The following RAB11FIP1 variants were observed in gnomAD, a reference collection of about 807,000 sequenced individuals.
RAB11FIP1 encodes rab11 family-interacting protein 1.
A neutral mutation model predicts 83.1 loss-of-function variants in RAB11FIP1; 49 were observed. The ratio of observed to expected loss-of-function variants is 0.59; its 90% CI spans 0.47 to 0.75. The LOEUF is 0.75. Among genes scored for constraint, RAB11FIP1 ranks in the 30% least tolerant of loss-of-function variants. The pLI is 0.00. For synonymous variants in RAB11FIP1, 670 were observed against 656.0 expected (o/e 1.02, Z -0.33); for missense variants, 1,536 against 1,598.7 (o/e 0.96, Z 0.67).
intron 5 of RAB11FIP1, among the ~76,000 whole-genome samples, chr8:37,866,671 CAAGAA>C (rs1806347091): frequency 1.3e-5 from 1 of 74,964 alleles, no homozygotes; most frequent in Non-Finnish European, 2.5e-5. Flanking sequence ...AAACAACAAC[CAAGAA>C]AAGAAAAAAA....
Position 37,860,240 on chromosome 8 carries a change from C to T in RAB11FIP1, c.*2655G>A, listed in dbSNP as rs901138228. 2.6e-5 allele frequency: 4 copies of T among 152,762 alleles called. No homozygotes were observed. The highest frequency in any genetic ancestry group is 5.9e-5 in the Non-Finnish European group (4 of 68,136). The allele number at this position is 152,762 out of a possible 1,614,324, so 9.5% of individuals were successfully genotyped here. A position where few individuals can be genotyped will look rare whatever the true frequency, so the allele number is the denominator to read the frequency against. On this transcript the variant is annotated 3_prime_UTR_variant, in exon 6 of 6. Coordinates refer to ENST00000330843, the MANE Select transcript of RAB11FIP1 (RefSeq NM_001002814.3). ...CAGCTCTCCAATGGAAGAAGAACCA[C>T]ATAGAGCACACCTGCCCCCCAGGGC...
chr8:37,875,218 A>G lies in RAB11FIP1; in HGVS notation c.919T>C (p.Ser307Pro). 2 of 1,614,034 alleles carry G rather than the reference A, an allele frequency of 1.2e-6. No homozygotes were observed. Among genetic ancestry groups the G allele is most frequent in the Non-Finnish European group, 8.5e-7 (1 of 1,179,992 alleles). The change falls in exon 3 of 6, where the codon TCT becomes CCT. Residue 307 changes from serine to proline, a missense_variant. Transcript: ENST00000330843. Reference protein sequence around the residue: ...EGLSFLGGLRSKNDVLSRSNV... With the variant: ...EGLSFLGGLRPKNDVLSRSNV... ...GAGCGGGAAAGGACATCATTCTTAG[A>G]CCGAAGGCCACCAAGAAAGGAAAGT...
intron 1 of RAB11FIP1, among the ~76,000 whole-genome samples, chr8:37,895,533 A>C (rs1317135470): frequency 1.3e-5 from 2 of 151,440 alleles, no homozygotes; most frequent in African/African-American, 4.9e-5. Flanking sequence ...TTGCAGTCAC[A>C]GTACTTAGCC....
chr8:37,878,429 G>A (rs1806663692), intron 1 of RAB11FIP1, among the ~76,000 whole-genome samples: 1 of 149,890 alleles, frequency 6.7e-6, no homozygotes, highest in African/African-American at 2.5e-5. Flanking sequence ...AGCTACTCAG[G>A]AGACCGTGGC....
chr8:37,875,304 G>T lies in RAB11FIP1; in HGVS notation c.833C>A (p.Thr278Lys), dbSNP rs749936619. The T allele has an allele frequency of 8.7e-6, 14 of 1,611,102 alleles. No homozygotes were observed. Among genetic ancestry groups the T allele is most frequent in the Non-Finnish European group, 1.2e-5 (14 of 1,178,762 alleles). Reference protein sequence around the residue: ...SASDVMSHKRTASTDLKQLNQ... With the variant: ...SASDVMSHKRKASTDLKQLNQ... ...CAGTTGCTTAAGATCCGTACTCGCT[G>T]TTCTCTTGTGAGACATGACTTTGGG... is the stretch of plus-strand genomic sequence containing the variant. The change falls in exon 3 of 6, where the codon ACA becomes AAA. Residue 278 changes from threonine to lysine, a missense_variant. Transcript: ENST00000330843.
chr8:37,889,246 G>T (rs948819894), intron 1 of RAB11FIP1, among the ~76,000 whole-genome samples: 6 of 152,120 alleles, frequency 3.9e-5, no homozygotes, highest in Non-Finnish European at 8.8e-5. Flanking sequence ...ATCAAGATAG[G>T]TTTTCTAAGT....
chr8:37,869,408 A>G (rs1175005457), intron 5 of RAB11FIP1, among the ~76,000 whole-genome samples: 1 of 151,282 alleles, frequency 6.6e-6, no homozygotes, highest in Non-Finnish European at 1.5e-5. Flanking sequence ...CGTGGCCAAC[A>G]TAGCAAAATC....
chr8:37,875,119 G>T lies in RAB11FIP1; in HGVS notation c.1018C>A (p.Pro340Thr), dbSNP rs1806580914. The change falls in exon 3 of 6, where the codon CCG becomes ACG. Residue 340 changes from proline to threonine, a missense_variant. Transcript: ENST00000330843. ...EAKGEIKDSS[P>T]SSSPSPKGFR... ...CCCTTGGGGGATGGGGAGGAGGACG[G>T]GCTGCTATCCTTGATCTCACCCTTG... 1 of 1,613,930 alleles carries T rather than the reference G, an allele frequency of 6.2e-7. No individual in the cohort carries two copies. The highest frequency in any genetic ancestry group is 1.3e-5 in the African/African-American group (1 of 74,884).
rs137974166 is a variant in RAB11FIP1, at chr8:37,871,432, C to T, written c.3370G>A (p.Ala1124Thr). The T allele has an allele frequency of 1.5e-4, 246 of 1,613,812 alleles. No homozygotes were observed. In the African/African-American group the frequency reaches 2.8e-3, roughly 18 times the overall value. ...AHSDTHHTST[A>T]ESQKKATAEG... ...GCTGTGGCTTTTTTTTGAGATTCTGCTGTGCTGGTGTGGTGAGTGTCAGAA... is the reference window on the plus strand; with the variant it reads ...GCTGTGGCTTTTTTTTGAGATTCTGTTGTGCTGGTGTGGTGAGTGTCAGAA... The change falls in exon 4 of 6, where the codon GCA becomes ACA. Residue 1124 changes from alanine (A) to threonine (T), a missense_variant. By Grantham distance (58) the Ala-to-Thr change is moderately conservative. Coordinates refer to ENST00000330843, the MANE Select transcript of RAB11FIP1 (RefSeq NM_001002814.3).
At position 37,860,505 on chromosome 8, in the gene RAB11FIP1, C is replaced by A. The variant is rs960366962; in HGVS notation, c.*2390G>T. On this transcript the variant is annotated 3_prime_UTR_variant, in exon 6 of 6. Transcript: ENST00000330843. Reference sequence around the variant, plus strand: ...TACAGCTGTCTGCCACCACACCCAGCTAATTTCTGTATTTTTTAGTAGAGA... The same window carrying A: ...TACAGCTGTCTGCCACCACACCCAGATAATTTCTGTATTTTTTAGTAGAGA... The A allele has an allele frequency of 6.6e-6, 1 of 152,204 alleles. No homozygotes were observed. The highest frequency in any genetic ancestry group is 1.5e-5 in the Non-Finnish European group (1 of 68,056). 9.4% of individuals were successfully genotyped at this position (152,204 alleles called of 1,614,324 possible). A position where few individuals can be genotyped will look rare whatever the true frequency, so the allele number is the denominator to read the frequency against.
At chr8:37,876,592 T>C (rs1806616455) in intron 2 of RAB11FIP1, among the ~76,000 whole-genome samples, 3 of 149,672 alleles carry the variant, frequency 2.0e-5, no homozygotes, top group African/African-American at 7.3e-5. Flanking sequence ...AGCAAGACCC[T>C]GTCTCTAAAA....
At chr8:37,893,059 T>G (rs909341571) in intron 1 of RAB11FIP1, among the ~76,000 whole-genome samples, 6 of 151,920 alleles carry the variant, frequency 3.9e-5, no homozygotes, top group Admixed American at 1.3e-4. Flanking sequence ...TGATTATTTA[T>G]TTGTGAGTTC....
chr8:37,869,787 C>T (rs1212562179), intron 5 of RAB11FIP1, among the ~76,000 whole-genome samples: 1 of 152,106 alleles, frequency 6.6e-6, no homozygotes, highest in Non-Finnish European at 1.5e-5. Flanking sequence ...GAGGATGAGA[C>T]TGATGGGCAA....
intron 1 of RAB11FIP1, among the ~76,000 whole-genome samples, chr8:37,878,374 A>C (rs188673095): frequency 6.6e-6 from 1 of 151,248 alleles, no homozygotes; most frequent in Non-Finnish European, 1.5e-5. Context: ...CTCTACTAAA[A>C]ATATAAAAAA....
At chr8:37,871,064 T>C (rs1431331183) in intron 4 of RAB11FIP1, 1 of 577,672 alleles carries the variant, frequency 1.7e-6, no homozygotes, top group Non-Finnish European at 2.9e-6. Flanking sequence ...GAACAATTCC[T>C]AAGCTATATT....
In RAB11FIP1 at chr8:37,872,516, G is replaced by T. The variant is rs1488459860; in HGVS notation, c.2286C>A (p.Ser762Arg). Residue 762 changes from serine (S) to arginine (R), a missense_variant, in exon 4 of 6, where the codon AGC becomes AGA. Physicochemically the swap from Ser to Arg is moderately radical, Grantham distance 110. Transcript: ENST00000330843. Reference protein sequence around the residue: ...LESQAGSLVESKARDAAEEVA... With the variant: ...LESQAGSLVERKARDAAEEVA... Reference sequence around the variant, plus strand: ...CTTCTTCAGCTGCATCCCTGGCTTTGCTCTCCACAAGAGACCCAGCCTGAC... The same window carrying T: ...CTTCTTCAGCTGCATCCCTGGCTTTTCTCTCCACAAGAGACCCAGCCTGAC... 1 of 1,614,168 alleles carries T rather than the reference G, an allele frequency of 6.2e-7. No individual in the cohort carries two copies. The highest frequency in any genetic ancestry group is 1.7e-5 in the Admixed American group (1 of 60,014).
rs16887092 is a variant in RAB11FIP1, at chr8:37,872,499, G to A, written c.2303C>T (p.Ala768Val). 0.018 allele frequency: 29,580 copies of A among 1,614,018 alleles called. 4,105 individuals are homozygous for A. The African/African-American group carries it at 0.32, about 18-fold the overall frequency. The change falls in exon 4 of 6, where the codon GCT becomes GTT. Residue 768 changes from alanine (A) to valine (V), a missense_variant. Ala to Val is a moderately conservative substitution (Grantham distance 64). Transcript: ENST00000330843. ...SLVESKARDA[A>V]EEVAPPLPMG... Reference sequence around the variant, plus strand: ...GGGAAGAGGGGGCGCCACTTCTTCAGCTGCATCCCTGGCTTTGCTCTCCAC... The same window carrying A: ...GGGAAGAGGGGGCGCCACTTCTTCAACTGCATCCCTGGCTTTGCTCTCCAC...
At position 37,877,374 on chromosome 8, in the gene RAB11FIP1, G is replaced by A. The variant is rs1388343789; in HGVS notation, c.549C>T (p.Asp183=). The change falls in exon 2 of 6, where the codon GAC becomes GAT. Residue 183 remains aspartate, a synonymous_variant. Coordinates refer to ENST00000330843, the MANE Select transcript of RAB11FIP1 (RefSeq NM_001002814.3). ...LKDKIKGKNK[D]SGSDTASAII... Reference sequence around the variant, plus strand: ...TGGCGGAGGCGGTGTCTGACCCACTGTCCTTATTCTTCCCCTTGATCTTGT... The same window carrying A: ...TGGCGGAGGCGGTGTCTGACCCACTATCCTTATTCTTCCCCTTGATCTTGT... The A allele has an allele frequency of 6.2e-7, 1 of 1,614,180 alleles. No individual in the cohort carries two copies. Among genetic ancestry groups the A allele is most frequent in the Non-Finnish European group, 8.5e-7 (1 of 1,180,032 alleles).
chr8:37,888,960 G>A (rs985072107), intron 1 of RAB11FIP1, among the ~76,000 whole-genome samples: 3 of 152,030 alleles, frequency 2.0e-5, no homozygotes, highest in Non-Finnish European at 4.4e-5. Flanking sequence ...ACCGCGCCCA[G>A]CTAAATTTTT....
Sources: gnomAD v4.1 joint callset for allele counts (sites outside exome capture counted in the v4.1 genomes callset) on GRCh38, gnomAD v4.1.1 for gene constraint, MANE v1.5 for transcripts, NCBI Gene and HGNC (gene_info 2026-07-23, HGNC 2026-07-21) for gene names.